Variants in MARCHF1 observed in about 807,000 individuals in gnomAD.
MARCHF1 encodes the protein E3 ubiquitin-protein ligase MARCHF1.
A neutral mutation model predicts 54.2 loss-of-function variants in MARCHF1; 40 were observed. That is an observed-to-expected ratio of 0.74 (90% confidence interval 0.57 to 0.96). The LOEUF is 0.96. MARCHF1 is among the 40% of genes least tolerant of loss of function. The pLI is 0.00. For synonymous variants in MARCHF1, 236 were observed against 236.3 expected (o/e 1.00, Z 0.01); for missense variants, 586 against 656.5 (o/e 0.89, Z 1.17).
intron 1 of MARCHF1, chr4:164,189,665 G>T: frequency 1.1e-6 from 1 of 930,674 alleles, no homozygotes. Context: ...ACTGTGGGAG[G>T]TGTCATGATC....
intron 5 of MARCHF1, among the ~76,000 whole-genome samples, chr4:163,689,343 G>C (rs1423013843): frequency 6.6e-6 from 1 of 152,062 alleles, no homozygotes; most frequent in Non-Finnish European, 1.5e-5. Context: ...AAATATTTAG[G>C]CACCATTCAC....
In MARCHF1 at chr4:163,937,542, T is replaced by TACACACACGCAC. The variant is rs1274948567; in HGVS notation, c.-39+50958_-39+50959insGTGCGTGTGTGT. Reference sequence around the variant, plus strand: ...TACATATATATAACACATGCATGCATGCACACATACACACACGCACACACA... The same window carrying TACACACACGCAC: ...TACATATATATAACACATGCATGCATACACACACGCACGCACACATACACACACGCACACACA... On this transcript the variant is annotated intron_variant, in intron 3 of 9. Transcript: ENST00000514618. Among the ~76,000 whole-genome samples, 148 of 151,880 alleles carry TACACACACGCAC rather than the reference T, an allele frequency of 9.7e-4. 1 individual carries two copies. The East Asian group carries it at 0.027, about 28-fold the overall frequency.
intron 1 of MARCHF1, among the ~76,000 whole-genome samples, chr4:164,121,432 A>G (rs1756063913): frequency 6.6e-6 from 1 of 152,120 alleles, no homozygotes; most frequent in African/African-American, 2.4e-5. Context: ...AAGGGGAAGA[A>G]AACACGTCCT....
At chr4:164,288,083 G>A (rs145201776) in intron 1 of MARCHF1, among the ~76,000 whole-genome samples, 1 of 152,232 alleles carries the variant, frequency 6.6e-6, no homozygotes, top group East Asian at 1.9e-4. Context: ...ACACAAAAAT[G>A]TTACAGGCAG....
At chr4:164,101,732 C>T (rs961135493) in intron 2 of MARCHF1, among the ~76,000 whole-genome samples, 1 of 142,704 alleles carries the variant, frequency 7.0e-6, no homozygotes, top group Non-Finnish European at 1.5e-5. Flanking sequence ...GAACGCAGTT[C>T]CTCACCAGCA....
intron 1 of MARCHF1, chr4:164,197,676 C>G (rs1393822371): frequency 3.7e-6 from 6 of 1,612,428 alleles, no homozygotes; most frequent in Non-Finnish European, 5.1e-6. Context: ...GCGCCCTGTT[C>G]CGCAGCTCTG....
chr4:164,249,596 T>G (rs79057138), intron 1 of MARCHF1, among the ~76,000 whole-genome samples: 1 of 151,968 alleles, frequency 6.6e-6, no homozygotes, highest in Admixed American at 6.6e-5. Context: ...GAAAATTTAT[T>G]AGTAGAGGAA....
chr4:163,769,247 A>T (rs765983384), intron 4 of MARCHF1, among the ~76,000 whole-genome samples: 7 of 152,156 alleles, frequency 4.6e-5, no homozygotes, highest in Non-Finnish European at 1.0e-4. Flanking sequence ...TTTACCAAAC[A>T]GGGTTGTCAT....
At chr4:164,225,998 G>T (rs1732242233) in intron 1 of MARCHF1, among the ~76,000 whole-genome samples, 1 of 152,002 alleles carries the variant, frequency 6.6e-6, no homozygotes, top group Non-Finnish European at 1.5e-5. Flanking sequence ...AATGGCAACT[G>T]CAGGATTACA....
intron 8 of MARCHF1, among the ~76,000 whole-genome samples, chr4:163,567,912 A>G (rs1330880597): frequency 1.3e-5 from 2 of 152,100 alleles, no homozygotes; most frequent in Admixed American, 1.3e-4. Context: ...CTGTATGACA[A>G]TATCTTGCTC....
At chr4:164,218,931 T>C (rs947026693) in intron 1 of MARCHF1, among the ~76,000 whole-genome samples, 3 of 151,976 alleles carry the variant, frequency 2.0e-5, no homozygotes, top group African/African-American at 7.2e-5. Flanking sequence ...AACCATTTTA[T>C]ATAGCAATTA....
At chr4:163,628,097 T>TA (rs542110933) in intron 5 of MARCHF1, among the ~76,000 whole-genome samples, 1 of 151,910 alleles carries the variant, frequency 6.6e-6, no homozygotes. Flanking sequence ...ATATAAAAAT[T>TA]AAAAAAATTG....
At chr4:164,063,888 G>A (rs911812128) in intron 2 of MARCHF1, among the ~76,000 whole-genome samples, 8 of 152,078 alleles carry the variant, frequency 5.3e-5, no homozygotes, top group Non-Finnish European at 1.2e-4. Context: ...TGGCTAGCCA[G>A]TTATCCCAGC....
chr4:163,871,409 G>C (rs1750165485), intron 3 of MARCHF1, among the ~76,000 whole-genome samples: 2 of 152,232 alleles, frequency 1.3e-5, no homozygotes, highest in South Asian at 4.1e-4. Flanking sequence ...CATTTACCTT[G>C]TGTTATGCCT....
At chr4:164,285,628 G>A (rs1010544882) in intron 1 of MARCHF1, among the ~76,000 whole-genome samples, 2 of 151,502 alleles carry the variant, frequency 1.3e-5, no homozygotes, top group African/African-American at 2.4e-5. Flanking sequence ...ATTTTTAGTA[G>A]AGACGGGGTT....
At chr4:164,154,587 G>A (rs868238041) in intron 1 of MARCHF1, among the ~76,000 whole-genome samples, 8 of 152,172 alleles carry the variant, frequency 5.3e-5, no homozygotes, top group South Asian at 2.1e-4. Context: ...AACCCCTTAC[G>A]GGACGGGAAG....
intron 2 of MARCHF1, among the ~76,000 whole-genome samples, chr4:164,030,941 G>C (rs886532678): frequency 6.6e-6 from 1 of 152,098 alleles, no homozygotes; most frequent in African/African-American, 2.4e-5. Context: ...TGTATCCTGA[G>C]ACTGCTGAAG....
intron 9 of MARCHF1, 137 bp downstream of exon 9, chr4:163,545,459 G>T (rs188779015): frequency 1.7e-5 from 12 of 719,682 alleles, no homozygotes; most frequent in Non-Finnish European, 2.7e-5. Context: ...CATGATTAGG[G>T]AAGAATCAAT....
At chr4:164,080,504 C>T (rs533246639) in intron 2 of MARCHF1, among the ~76,000 whole-genome samples, 1 of 152,144 alleles carries the variant, frequency 6.6e-6, no homozygotes, top group South Asian at 2.1e-4. Flanking sequence ...AGAGCATAGA[C>T]TTTCACTATA....
Sources: allele counts gnomAD v4.1 joint callset (sites outside exome capture counted in the v4.1 genomes callset), GRCh38; gene constraint gnomAD v4.1.1; transcripts MANE v1.5; gene names NCBI Gene and HGNC (gene_info 2026-07-23, HGNC 2026-07-21).